The following APBA2 variants were observed in gnomAD, a reference collection of about 807,000 sequenced individuals.
APBA2 encodes amyloid-beta A4 precursor protein-binding family A member 2.
A neutral mutation model predicts 75.0 loss-of-function variants in APBA2; 30 were observed. The observed-to-expected ratio is 0.40, with a 90% CI of 0.30 to 0.54. APBA2 has a LOEUF of 0.54. APBA2 is among the 20% of genes least tolerant of loss of function. The pLI is 0.49. For synonymous variants in APBA2, 444 were observed against 409.6 expected (o/e 1.08, Z -1.01); for missense variants, 801 against 1,016.1 (o/e 0.79, Z 2.88).
chr15:29,061,884 G>A (rs566034832), intron 4 of APBA2, among the ~76,000 whole-genome samples: 1 of 152,348 alleles, frequency 6.6e-6, no homozygotes, highest in African/African-American at 2.4e-5. Flanking sequence ...TGAGACAAGA[G>A]TGGCATGGGG....
At position 29,046,042 on chromosome 15, in the gene APBA2, C is replaced by G. The variant is rs974049735; in HGVS notation, c.-40-7803C>G. 1.3e-5 allele frequency among the ~76,000 whole-genome samples: 2 copies of G among 152,146 alleles called. No individual in the cohort carries two copies. Among genetic ancestry groups the G allele is most frequent in the African/African-American group, 4.8e-5 (2 of 41,422 alleles). ...TTGACCAGACGTTTTGAGAGTCTGG[C>G]AGCCCGGAAAGGTGGGATTTGGCAG... is the stretch of plus-strand genomic sequence containing the variant. On this transcript the variant is annotated intron_variant, in intron 3 of 14. Coordinates refer to ENST00000683413, the MANE Select transcript of APBA2 (RefSeq NM_001353788.2). The surrounding 1 kb of genome is among the most constrained non-coding windows in gnomAD (Gnocchi z 5.0).
At chr15:28,983,647 G>A (rs1056661952) in intron 2 of APBA2, among the ~76,000 whole-genome samples, 4 of 152,320 alleles carry the variant, frequency 2.6e-5, no homozygotes, top group Non-Finnish European at 4.4e-5. Flanking sequence ...CCACCTCGCG[G>A]TGTAGGAGGA....
chr15:28,951,068 T>C (rs905429913), intron 2 of APBA2, among the ~76,000 whole-genome samples: 12 of 152,196 alleles, frequency 7.9e-5, no homozygotes, highest in African/African-American at 2.7e-4. Context: ...GGGAAATATC[T>C]GGGAGAAAAA....
intron 2 of APBA2, among the ~76,000 whole-genome samples, chr15:28,941,901 T>G (rs576615221): frequency 2.0e-5 from 3 of 151,974 alleles, no homozygotes; most frequent in African/African-American, 7.3e-5. Context: ...GGACTACAGG[T>G]GCCCGCCACC....
At chr15:28,984,881 C>T (rs1311816846) in intron 2 of APBA2, among the ~76,000 whole-genome samples, 1 of 151,128 alleles carries the variant, frequency 6.6e-6, no homozygotes, top group Non-Finnish European at 1.5e-5. Flanking sequence ...CTCTCTCCCC[C>T]CACTGCCATC....
intron 3 of APBA2, among the ~76,000 whole-genome samples, chr15:29,021,299 C>T (rs780257938): frequency 7.0e-4 from 106 of 152,046 alleles, no homozygotes; most frequent in Non-Finnish European, 1.1e-3. Context: ...GAAGCCAAGG[C>T]GGGCGGATCA....
rs145466348 is a variant in APBA2, at chr15:29,031,003, A to G, written c.-40-22842A>G. ...TGGATTATTTTTGTTATTAATGGGA[A>G]TTTTTCCTTTTATGCCTTTGCATAC... On this transcript the variant is annotated intron_variant, in intron 3 of 14. Transcript: ENST00000683413. Among the ~76,000 whole-genome samples, 91 of 150,004 alleles carry G rather than the reference A, an allele frequency of 6.1e-4. 1 individual carries two copies. The East Asian group carries it at 0.017, about 28-fold the overall frequency.
At chr15:28,906,721 C>G (rs1239980918) in intron 1 of APBA2, among the ~76,000 whole-genome samples, 2 of 152,180 alleles carry the variant, frequency 1.3e-5, no homozygotes, top group African/African-American at 4.8e-5. Flanking sequence ...TAGCTTATTT[C>G]ATTTTGTATT....
At position 29,093,059 on chromosome 15, in the gene APBA2, CTG is replaced by C; in HGVS notation, c.1070-13_1070-12del. ...CTTCTCCTCTAGGAAGACTCTGACTCTGTGCCCTCCTTCAGTTCCAGGGCCCT... is the reference window on the plus strand; with the variant it reads ...CTTCTCCTCTAGGAAGACTCTGACTCTGCCCTCCTTCAGTTCCAGGGCCCT... On this transcript the variant is annotated splice_polypyrimidine_tract_variant and intron_variant, in intron 6 of 14. Transcript: ENST00000683413. The C allele has an allele frequency of 1.9e-6, 3 of 1,614,184 alleles. No individual in the cohort carries two copies. The highest frequency in any genetic ancestry group is 1.3e-5 in the African/African-American group (1 of 75,064).
At chr15:28,955,621 G>A (rs2036125847) in intron 2 of APBA2, among the ~76,000 whole-genome samples, 1 of 150,812 alleles carries the variant, frequency 6.6e-6, no homozygotes, top group Non-Finnish European at 1.5e-5. Context: ...TAATTAAGAG[G>A]GTCTAAGAAG....
intron 2 of APBA2, chr15:28,970,205 C>T (rs780217125): frequency 4.6e-5 from 7 of 151,928 alleles, no homozygotes; most frequent in Non-Finnish European, 8.8e-5. Context: ...TTTCCGAATC[C>T]GCTGATTGTT....
intron 3 of APBA2, among the ~76,000 whole-genome samples, chr15:29,026,630 C>G (rs533529701): frequency 6.6e-6 from 1 of 152,158 alleles, no homozygotes; most frequent in East Asian, 1.9e-4. Flanking sequence ...ATCGTTAGAA[C>G]AGGCCGGGCA....
chr15:28,915,762 CACT>C (rs2033662312), intron 1 of APBA2, among the ~76,000 whole-genome samples: 1 of 149,718 alleles, frequency 6.7e-6, no homozygotes, highest in Admixed American at 6.6e-5. Flanking sequence ...AACTCTTCCA[CACT>C]ACATTACACT....
chr15:29,037,077 A>T (rs956584343), intron 3 of APBA2, among the ~76,000 whole-genome samples: 1 of 152,126 alleles, frequency 6.6e-6, no homozygotes, highest in African/African-American at 2.4e-5. Flanking sequence ...AAATAAAATT[A>T]TTTAAAATAA....
At chr15:28,993,824 G>A (rs998791917) in intron 2 of APBA2, among the ~76,000 whole-genome samples, 6 of 152,170 alleles carry the variant, frequency 3.9e-5, no homozygotes, top group South Asian at 2.1e-4. Flanking sequence ...GACAGGCTCC[G>A]GGTTTCCTGA....
chr15:28,939,834 G>A (rs1173104583), intron 2 of APBA2, among the ~76,000 whole-genome samples: 2 of 152,202 alleles, frequency 1.3e-5, no homozygotes, highest in African/African-American at 2.4e-5. Flanking sequence ...GAACTAGACA[G>A]TGTGCTTCAG....
chr15:28,922,899 C>T (rs1023332193), intron 2 of APBA2, among the ~76,000 whole-genome samples: 1 of 152,188 alleles, frequency 6.6e-6, no homozygotes, highest in Non-Finnish European at 1.5e-5. Flanking sequence ...ACGGTCACTC[C>T]CCTAATGGTC....
At chr15:29,117,031 C>A in intron 14 of APBA2, 31 bp from the exon 15 acceptor site, 1 of 1,608,740 alleles carries the variant, frequency 6.2e-7, no homozygotes, top group Non-Finnish European at 8.5e-7. Flanking sequence ...GGTGGGAGGG[C>A]AGCGGCTCAG....
At position 28,958,502 on chromosome 15, in the gene APBA2, G is replaced by A. The variant is rs192233798; in HGVS notation, c.-95+36753G>A. ...GCTTCTTAGTATCTCCAGCAGTTTC[G>A]AGATTTGGCGAAGGGGCTGAACTTT... is the stretch of plus-strand genomic sequence containing the variant. On this transcript the variant is annotated intron_variant, in intron 2 of 14. Transcript: ENST00000683413. Among the ~76,000 whole-genome samples, 12 of 152,340 alleles carry A rather than the reference G, an allele frequency of 7.9e-5. No individual in the cohort carries two copies. In the South Asian group the frequency reaches 1.9e-3, roughly 24 times the overall value.
Sources: gnomAD v4.1 joint callset for allele counts (sites outside exome capture counted in the v4.1 genomes callset) on GRCh38, gnomAD v4.1.1 for gene constraint, Gnocchi (gnomAD v3.1) non-coding constraint, MANE v1.5 for transcripts, NCBI Gene and HGNC (gene_info 2026-07-23, HGNC 2026-07-21) for gene names.